The following ULK4 variants were observed in gnomAD, a reference collection of about 807,000 sequenced individuals.
The protein encoded by ULK4 is unc-51 like kinase 4.
ULK4 carries 133 observed loss-of-function variants against 160.6 expected under a neutral mutation model. The ratio of observed to expected loss-of-function variants is 0.83; its 90% CI spans 0.72 to 0.96. The LOEUF (loss-of-function observed/expected upper bound fraction) is 0.96. ULK4 is among the 40% of genes least tolerant of loss of function. ULK4 has a pLI of 0.00. For missense variants in ULK4, 1,580 were observed against 1,499.5 expected (o/e 1.05, Z -0.89); for synonymous variants, 534 against 539.8 (o/e 0.99, Z 0.15).
At chr3:41,535,136 G>A (rs2086455526) in intron 32 of ULK4, among the ~76,000 whole-genome samples, 3 of 152,212 alleles carry the variant, frequency 2.0e-5, no homozygotes, top group Admixed American at 6.5e-5. Flanking sequence ...AGGAGTACTG[G>A]TGCATAAGAG....
chr3:41,506,767 A>AAAAAAAAAAAAAAAAAATATATATATAT, intron 32 of ULK4, among the ~76,000 whole-genome samples: 5 of 56,794 alleles, frequency 8.8e-5, no homozygotes, highest in Non-Finnish European at 1.6e-4. Context: ...TGTGATTTAA[A>AAAAAAAAAAAAAAAAAATATATATATAT]ATATATATAT....
chr3:41,822,628 A>G (rs569913226), intron 18 of ULK4, among the ~76,000 whole-genome samples: 1 of 151,004 alleles, frequency 6.6e-6, no homozygotes, highest in Non-Finnish European at 1.5e-5. Context: ...CATGTTGGCC[A>G]GGCTCGTCTC....
chr3:41,930,837 A>C (rs764972861), intron 5 of ULK4, among the ~76,000 whole-genome samples: 19 of 152,200 alleles, frequency 1.2e-4, no homozygotes, highest in Non-Finnish European at 2.4e-4. Flanking sequence ...AAGTCAAGAA[A>C]CAAAAATGCT....
chr3:41,510,936 G>C (rs2085551314), intron 32 of ULK4, among the ~76,000 whole-genome samples: 1 of 151,946 alleles, frequency 6.6e-6, no homozygotes, highest in South Asian at 2.1e-4. Flanking sequence ...GCTGAGGCGG[G>C]TGGATCACAA....
At chr3:41,689,843 G>T (rs1339392780) in intron 27 of ULK4, among the ~76,000 whole-genome samples, 2 of 150,464 alleles carry the variant, frequency 1.3e-5, no homozygotes, top group Admixed American at 6.6e-5. Context: ...ACTGTTGGTG[G>T]GACTGTAAAC....
intron 20 of ULK4, among the ~76,000 whole-genome samples, chr3:41,793,945 C>A (rs1309616621): frequency 6.6e-6 from 1 of 152,148 alleles, no homozygotes; most frequent in African/African-American, 2.4e-5. Flanking sequence ...GCTGCAAGGA[C>A]TAGGGCAGTG....
At chr3:41,799,043 T>C (rs1037401283) in intron 20 of ULK4, among the ~76,000 whole-genome samples, 1 of 152,066 alleles carries the variant, frequency 6.6e-6, no homozygotes, top group Non-Finnish European at 1.5e-5. Flanking sequence ...ATGTCTTCAC[T>C]TTTCCCTGGG....
At chr3:41,564,460 T>G (rs2087717110) in intron 32 of ULK4, among the ~76,000 whole-genome samples, 1 of 136,576 alleles carries the variant, frequency 7.3e-6, no homozygotes, top group South Asian at 2.5e-4. Flanking sequence ...TTTTTTTTTT[T>G]TTTTTTTTTT....
At chr3:41,707,988 C>T (rs2036962843) in intron 25 of ULK4, among the ~76,000 whole-genome samples, 2 of 151,666 alleles carry the variant, frequency 1.3e-5, no homozygotes, top group Admixed American at 6.6e-5. Flanking sequence ...ATAAGAATGG[C>T]TATTATCAAA....
chr3:41,876,121 C>T (rs1457852556), intron 17 of ULK4, among the ~76,000 whole-genome samples: 4 of 151,960 alleles, frequency 2.6e-5, no homozygotes, highest in Non-Finnish European at 4.4e-5. Flanking sequence ...GGACAAACAG[C>T]CTGGACTCTC....
At chr3:41,290,682 G>A (rs1335551749) in intron 35 of ULK4, among the ~76,000 whole-genome samples, 1 of 152,182 alleles carries the variant, frequency 6.6e-6, no homozygotes, top group African/African-American at 2.4e-5. Flanking sequence ...GTATGTGCCA[G>A]GTGTTGACCA....
At chr3:41,571,478 G>A (rs540968893) in intron 31 of ULK4, among the ~76,000 whole-genome samples, 6 of 152,260 alleles carry the variant, frequency 3.9e-5, no homozygotes, top group East Asian at 3.9e-4. Flanking sequence ...ATTAGCTTAC[G>A]GGGGTAAACT....
chr3:41,609,822 A>G (rs2032580187), intron 31 of ULK4, among the ~76,000 whole-genome samples: 1 of 151,912 alleles, frequency 6.6e-6, no homozygotes, highest in African/African-American at 2.4e-5. Context: ...CACTACGAAA[A>G]AATTAGCCAG....
chr3:41,374,610 A>G (rs1424175881), intron 35 of ULK4, among the ~76,000 whole-genome samples: 1 of 152,208 alleles, frequency 6.6e-6, no homozygotes, highest in Non-Finnish European at 1.5e-5. Context: ...AAAACACTCA[A>G]TAAACTAGGT....
At chr3:41,545,399 A>G (rs549190300) in intron 32 of ULK4, among the ~76,000 whole-genome samples, 1 of 152,190 alleles carries the variant, frequency 6.6e-6, no homozygotes, top group African/African-American at 2.4e-5. Flanking sequence ...CTTTCTGGAG[A>G]TATAAAAATA....
intron 35 of ULK4, among the ~76,000 whole-genome samples, chr3:41,324,846 T>C (rs1240058258): frequency 2.0e-5 from 3 of 152,136 alleles, no homozygotes; most frequent in African/African-American, 7.2e-5. Flanking sequence ...TCTCTTTTGG[T>C]TTTCTTGTTT....
chr3:41,902,064 GA>G (rs896428987), intron 12 of ULK4, among the ~76,000 whole-genome samples: 17 of 144,812 alleles, frequency 1.2e-4, no homozygotes, highest in Non-Finnish European at 2.0e-4. Flanking sequence ...TCCCAACAGG[GA>G]AAAAAAAAAG....
At chr3:41,611,958 G>A (rs2032701532) in intron 31 of ULK4, among the ~76,000 whole-genome samples, 1 of 151,908 alleles carries the variant, frequency 6.6e-6, no homozygotes, top group Non-Finnish European at 1.5e-5. Context: ...GCCTATCCAT[G>A]GGTTCCACAT....
chr3:41,819,869 T>A (rs2041087498), intron 18 of ULK4, among the ~76,000 whole-genome samples: 1 of 152,180 alleles, frequency 6.6e-6, no homozygotes, highest in South Asian at 2.1e-4. Flanking sequence ...TATTACATTA[T>A]CTGGAATGAT....
Sources: gnomAD v4.1 joint callset for allele counts (sites outside exome capture counted in the v4.1 genomes callset) on GRCh38, gnomAD v4.1.1 for gene constraint, MANE v1.5 for transcripts, NCBI Gene and HGNC (gene_info 2026-07-23, HGNC 2026-07-21) for gene names.